The following GABRA4 variants were observed in gnomAD, a reference collection of about 807,000 sequenced individuals.
GABRA4 encodes the protein gamma-aminobutyric acid receptor subunit alpha-4.
GABRA4 carries 12 observed loss-of-function variants against 49.7 expected under a neutral mutation model. The observed-to-expected ratio is 0.24, with a 90% CI of 0.15 to 0.39. The LOEUF is 0.39. Ranked by LOEUF, GABRA4 falls within the 10% of genes least tolerant of loss-of-function variation. The pLI, the probability that GABRA4 is intolerant of heterozygous loss-of-function variation, is 1.00. For missense variants in GABRA4, 506 were observed against 686.0 expected (o/e 0.74, Z 2.93); for synonymous variants, 288 against 240.2 (o/e 1.20, Z -1.84).
At chr4:46,992,203 A>G (rs1723776903) in intron 2 of GABRA4, among the ~76,000 whole-genome samples, 1 of 152,322 alleles carries the variant, frequency 6.6e-6, no homozygotes, top group East Asian at 1.9e-4. Context: ...AGTCCTTTAT[A>G]CTTATTTTGT....
At chr4:46,962,616 G>A (rs186436987) in intron 8 of GABRA4, among the ~76,000 whole-genome samples, 1 of 151,776 alleles carries the variant, frequency 6.6e-6, no homozygotes, top group East Asian at 2.0e-4. Flanking sequence ...ATCCTAAAAT[G>A]TATATGGAAC....
intron 8 of GABRA4, among the ~76,000 whole-genome samples, chr4:46,929,110 T>C (rs1215146031): frequency 6.6e-6 from 1 of 152,014 alleles, no homozygotes; most frequent in Non-Finnish European, 1.5e-5. Flanking sequence ...TGTTTAGCTT[T>C]ATTGCAAATA....
At position 46,920,351 on chromosome 4, in the gene GABRA4, T is replaced by A. The variant is rs1267807315; in HGVS notation, c.*7874A>T. On this transcript the variant is annotated 3_prime_UTR_variant, in exon 9 of 9. Transcript: ENST00000264318. ...ATAACTTTGTTCAGGTATTTGCCAG[T>A]CTCCTTTAATGGATACTATAGTAAT... 2.0e-5 allele frequency: 3 copies of A among 151,600 alleles called. No individual in the cohort carries two copies. The highest frequency in any genetic ancestry group is 7.2e-5 in the African/African-American group (3 of 41,388). The allele number at this position is 151,600 out of a possible 1,614,324, so 9.4% of individuals were successfully genotyped here. A position where few individuals can be genotyped will look rare whatever the true frequency, so the allele number is the denominator to read the frequency against.
At chr4:46,988,031 C>T (rs1723603033) in intron 2 of GABRA4, among the ~76,000 whole-genome samples, 1 of 152,054 alleles carries the variant, frequency 6.6e-6, no homozygotes, top group African/African-American at 2.4e-5. Context: ...CTCCTCTCAC[C>T]ATCTACATCA....
intron 8 of GABRA4, among the ~76,000 whole-genome samples, chr4:46,956,729 T>TA (rs997670979): frequency 8.6e-5 from 13 of 151,910 alleles, no homozygotes; most frequent in Admixed American, 3.9e-4. Flanking sequence ...TTATTTCAGG[T>TA]AAAAAAAATT....
intron 7 of GABRA4, among the ~76,000 whole-genome samples, chr4:46,967,760 C>T (rs1298387587): frequency 6.6e-6 from 1 of 151,598 alleles, no homozygotes; most frequent in Admixed American, 6.6e-5. Context: ...ATGCCATTCC[C>T]TGCATTTAGC....
rs567174686 is a variant in GABRA4 at position 46,992,886 on chromosome 4, G to C, written c.147C>G (p.Thr49=). Residue 49 remains threonine, a synonymous_variant, in exon 2 of 9, where the codon ACC becomes ACG. Coordinates refer to ENST00000264318, the MANE Select transcript of GABRA4 (RefSeq NM_000809.4). The part of the protein sequence containing the change: ...KEEKLCTENF[T]RILDSLLDGY... ...CATCGAGCAAACTGTCCAGGATGCG[G>C]GTGAAATTTTCTGTGCACAATTTCT... The C allele has an allele frequency of 1.3e-4, 206 of 1,613,810 alleles. 2 individuals are homozygous for C. The South Asian group carries it at 2.2e-3, about 17-fold the overall frequency.
chr4:46,974,133 G>A lies in GABRA4; in HGVS notation c.721+99C>T. 5 of 1,194,676 alleles carry A rather than the reference G, an allele frequency of 4.2e-6. No homozygotes were observed. In the South Asian group the frequency reaches 5.0e-5, roughly 12 times the overall value. The allele number at this position is 1,194,676 out of a possible 1,614,324, so 74.0% of individuals were successfully genotyped here. On this transcript the variant is annotated intron_variant, in intron 6 of 8. Coordinates refer to ENST00000264318, the MANE Select transcript of GABRA4 (RefSeq NM_000809.4). Reference sequence around the variant, plus strand: ...ACTCTATTTCTGGAAAATGTTTGTTGTTCTCCTGAAAAAATTAACTATTTC... The same window carrying A: ...ACTCTATTTCTGGAAAATGTTTGTTATTCTCCTGAAAAAATTAACTATTTC...
intron 8 of GABRA4, among the ~76,000 whole-genome samples, chr4:46,939,188 T>C: frequency 6.6e-6 from 1 of 152,066 alleles, no homozygotes; most frequent in Non-Finnish European, 1.5e-5. Flanking sequence ...CTCTTCCTCG[T>C]CAACAGAAAT....
chr4:46,965,294 C>CAAATA, intron 7 of GABRA4, 65 bp from the exon 8 acceptor site: 1 of 1,308,306 alleles, frequency 7.6e-7, no homozygotes, highest in South Asian at 2.4e-5. Flanking sequence ...AGCACCGCCA[C>CAAATA]CACCAACAAA....
rs1421893108 is a variant in GABRA4 at position 46,919,822 on chromosome 4, A to G, written c.*8403T>C. On this transcript the variant is annotated 3_prime_UTR_variant, in exon 9 of 9. Coordinates refer to ENST00000264318, the MANE Select transcript of GABRA4 (RefSeq NM_000809.4). ...TCATTAAGGATAAGCCAGTGGAAAA[A>G]ATTAACCTTCTATTTCAAACTACAG... The G allele has an allele frequency of 6.6e-6, 1 of 151,662 alleles. No individual in the cohort carries two copies. The highest frequency in any genetic ancestry group is 2.4e-5 in the African/African-American group (1 of 41,402). The allele number at this position is 151,662 out of a possible 1,614,324, so 9.4% of individuals were successfully genotyped here.
chr4:46,973,326 C>G (rs1265627289), intron 6 of GABRA4, among the ~76,000 whole-genome samples: 1 of 151,640 alleles, frequency 6.6e-6, no homozygotes, highest in Non-Finnish European at 1.5e-5. Flanking sequence ...GAATTAGTGC[C>G]TTTATAAAAG....
At chr4:46,984,714 T>A (rs1723475447) in intron 2 of GABRA4, among the ~76,000 whole-genome samples, 1 of 151,890 alleles carries the variant, frequency 6.6e-6, no homozygotes, top group Non-Finnish European at 1.5e-5. Context: ...ATAGTGAGAA[T>A]CAGAAAAATT....
chr4:46,974,525 T>C (rs941148286), intron 5 of GABRA4, 150 bp from the exon 6 acceptor site: 18 of 685,392 alleles, frequency 2.6e-5, no homozygotes, highest in South Asian at 4.2e-5. Context: ...TAGTTCACTA[T>C]AATTTAGTCA....
rs1382276957 is a variant in GABRA4, at chr4:46,928,719, T to C, written c.1171A>G (p.Asn391Asp). The C allele has an allele frequency of 2.1e-5, 34 of 1,612,218 alleles. No homozygotes were observed. The highest frequency in any genetic ancestry group is 2.9e-5 in the Non-Finnish European group (34 of 1,178,988). ...NANLNMRKRT[N>D]ALVHSESDVG... is the part of the protein sequence containing the mutation. The stretch of plus-strand genomic sequence containing the variant: ...TCAGATTCAGAGTGAACCAAAGCAT[T>C]TGTTCTTTTTCTCATGTTCAAATTG... The change falls in exon 9 of 9, where the codon AAT (asparagine) becomes GAT (aspartate). Residue 391 changes from asparagine (N) to aspartate (D), a missense_variant. Physicochemically the swap from Asn to Asp is conservative, Grantham distance 23. Around this residue, in one of 5 missense-constraint regions of GABRA4, gnomAD observed 243 missense variants for 210.8 expected, o/e 1.15. Transcript: ENST00000264318.
In GABRA4 at chr4:46,984,580, G is replaced by A. The variant is rs542886591; in HGVS notation, c.206-5482C>T. 2.2e-4 allele frequency among the ~76,000 whole-genome samples: 33 copies of A among 151,674 alleles called. No individual in the cohort carries two copies. In the South Asian group the frequency reaches 2.7e-3, roughly 12 times the overall value. On this transcript the variant is annotated intron_variant, in intron 2 of 8. Coordinates refer to ENST00000264318, the MANE Select transcript of GABRA4 (RefSeq NM_000809.4). ...ATAATTACAGCCATCAAATAAATAAGAAAAGCATGAACAACAACAAAAATA... is the reference window on the plus strand; with the variant it reads ...ATAATTACAGCCATCAAATAAATAAAAAAAGCATGAACAACAACAAAAATA...
chr4:46,930,780 A>G (rs1008823187), intron 8 of GABRA4, among the ~76,000 whole-genome samples: 1 of 151,964 alleles, frequency 6.6e-6, no homozygotes, highest in Non-Finnish European at 1.5e-5. Flanking sequence ...AAATGAAGTA[A>G]CAGGAACTAA....
At chr4:46,972,230 G>T (rs774805780) in intron 6 of GABRA4, among the ~76,000 whole-genome samples, 1 of 151,576 alleles carries the variant, frequency 6.6e-6, no homozygotes, top group Admixed American at 6.6e-5. Context: ...GTCATGACAG[G>T]TGTCATAAAG....
intron 7 of GABRA4, 143 bp from the exon 8 acceptor site, chr4:46,965,372 G>T: frequency 1.6e-6 from 1 of 610,592 alleles, no homozygotes; most frequent in Non-Finnish European, 2.6e-6. Context: ...ATCTTTGATG[G>T]AGAATTGGAA....
Sources: allele counts gnomAD v4.1 joint callset (sites outside exome capture counted in the v4.1 genomes callset), GRCh38; gene constraint gnomAD v4.1.1; regional missense constraint gnomAD v4.1.1; transcripts MANE v1.5; gene names NCBI Gene and HGNC (gene_info 2026-07-23, HGNC 2026-07-21).